GALNT2: variants seen among roughly 807,000 people sequenced by gnomAD.
GALNT2 encodes UDP-GalNAc:polypeptide N-acetylgalactosaminyltransferase 2.
GALNT2 carries 31 observed loss-of-function variants against 81.4 expected under a neutral mutation model. The observed-to-expected ratio is 0.38, with a 90% confidence interval of 0.29 to 0.51. GALNT2 has a LOEUF of 0.51. GALNT2 is among the 20% of genes least tolerant of loss of function. GALNT2 has a pLI of 0.87. For synonymous variants in GALNT2, 303 were observed against 287.4 expected (o/e 1.05, Z -0.55); for missense variants, 629 against 765.7 (o/e 0.82, Z 2.11).
chr1:230,278,229 C>A (rs1158906307), intron 15 of GALNT2, among the ~76,000 whole-genome samples: 1 of 151,474 alleles, frequency 6.6e-6, no homozygotes, highest in African/African-American at 2.4e-5. Context: ...AGCGATCCTC[C>A]CACCTCAGCC....
At chr1:230,173,211 A>G (rs879349937) in intron 1 of GALNT2, among the ~76,000 whole-genome samples, 2 of 152,208 alleles carry the variant, frequency 1.3e-5, no homozygotes, top group Non-Finnish European at 2.9e-5. Flanking sequence ...ACAGCGCTGT[A>G]CTTTAGGGCA....
chr1:230,268,904 T>A (rs995091981), intron 14 of GALNT2, among the ~76,000 whole-genome samples: 2 of 152,144 alleles, frequency 1.3e-5, no homozygotes, highest in African/African-American at 4.8e-5. Context: ...GAGCGCCCAT[T>A]CCTTGCCTCT....
At chr1:230,086,576 G>GT (rs577047285) in intron 1 of GALNT2, among the ~76,000 whole-genome samples, 12 of 151,682 alleles carry the variant, frequency 7.9e-5, no homozygotes, top group East Asian at 5.8e-4. Context: ...AAAGTGAGCA[G>GT]TTTTTTTTTC....
chr1:230,190,351 G>T (rs11122462), intron 2 of GALNT2, among the ~76,000 whole-genome samples: 1 of 152,228 alleles, frequency 6.6e-6, no homozygotes, highest in Non-Finnish European at 1.5e-5. Flanking sequence ...CTCTGCATGG[G>T]ATGCGCCAAG....
chr1:230,129,332 T>G (rs900779543), intron 1 of GALNT2, among the ~76,000 whole-genome samples: 3 of 152,208 alleles, frequency 2.0e-5, no homozygotes, highest in African/African-American at 7.2e-5. Context: ...TATTTTATTT[T>G]TTAGAGATGA....
At chr1:230,218,209 G>C (rs979895281) in intron 3 of GALNT2, among the ~76,000 whole-genome samples, 3 of 152,204 alleles carry the variant, frequency 2.0e-5, no homozygotes, top group African/African-American at 7.2e-5. Flanking sequence ...GAGATGACAA[G>C]ATATGCTGAA....
intron 3 of GALNT2, among the ~76,000 whole-genome samples, chr1:230,209,041 T>TA (rs112253499): frequency 1.4e-3 from 195 of 143,914 alleles, no homozygotes; most frequent in African/African-American, 3.8e-3. Context: ...CCCCATTAGT[T>TA]AAAAAAAAAA....
At chr1:230,180,100 G>C (rs959884346) in intron 2 of GALNT2, among the ~76,000 whole-genome samples, 4 of 152,084 alleles carry the variant, frequency 2.6e-5, no homozygotes, top group Non-Finnish European at 5.9e-5. Flanking sequence ...TGTATTTTTA[G>C]TAGAGACAGC....
rs562770515 is a variant in GALNT2, at chr1:230,144,999, C to G, written c.127-33219C>G. Among the ~76,000 whole-genome samples the G allele has an allele frequency of 2.2e-3, 338 of 152,152 alleles. 1 individual carries two copies. The highest frequency in any genetic ancestry group is 3.8e-3 in the Non-Finnish European group (258 of 67,970). ...TCAGGCTCCTCTCTTGCTTGGTAAC[C>G]TACAAACCAAGCAAGGTGAGAGGCC... On this transcript the variant is annotated intron_variant, in intron 1 of 15. Coordinates refer to ENST00000366672, the MANE Select transcript of GALNT2 (RefSeq NM_004481.5).
intron 1 of GALNT2, among the ~76,000 whole-genome samples, chr1:230,149,463 TG>T (rs1662026614): frequency 6.6e-6 from 1 of 152,194 alleles, no homozygotes. Context: ...TTCTTAGGTC[TG>T]GCGTTGAGGG....
At chr1:230,204,149 T>C (rs1179536406) in intron 3 of GALNT2, among the ~76,000 whole-genome samples, 3 of 117,770 alleles carry the variant, frequency 2.5e-5, no homozygotes, top group African/African-American at 1.4e-4. Flanking sequence ...CTGACCTCCT[T>C]CTTTTTCTTT....
intron 3 of GALNT2, 24 bp from the exon 4 acceptor site, chr1:230,235,990 A>G (rs752884751): frequency 6.2e-7 from 1 of 1,611,516 alleles, no homozygotes; most frequent in South Asian, 1.1e-5. Flanking sequence ...CATTGTTCAG[A>G]GGACCATCTT....
chr1:230,125,240 A>G (rs1452964575), intron 1 of GALNT2, among the ~76,000 whole-genome samples: 1 of 152,246 alleles, frequency 6.6e-6, no homozygotes, highest in Non-Finnish European at 1.5e-5. Context: ...ATTAGAGTGC[A>G]GGATCCCTTT....
At position 230,080,645 on chromosome 1, in the gene GALNT2, C is replaced by G. The variant is rs1277357075; in HGVS notation, c.126+13239C>G. 2.6e-5 allele frequency among the ~76,000 whole-genome samples: 4 copies of G among 152,122 alleles called. No individual in the cohort carries two copies. The South Asian group carries it at 8.3e-4, about 32-fold the overall frequency. On this transcript the variant is annotated intron_variant, in intron 1 of 15. Transcript: ENST00000366672. Reference sequence around the variant, plus strand: ...AGCTCTGGGTGTCTTTCTGGGGCTGCTGTGACATGGCAGAGAGGATGCATA... The same window carrying G: ...AGCTCTGGGTGTCTTTCTGGGGCTGGTGTGACATGGCAGAGAGGATGCATA...
chr1:230,211,150 GC>G (rs1664221010), intron 3 of GALNT2, among the ~76,000 whole-genome samples: 1 of 152,176 alleles, frequency 6.6e-6, no homozygotes, highest in Non-Finnish European at 1.5e-5. Flanking sequence ...TCATAAACAT[GC>G]GCCGCTGGCC....
intron 1 of GALNT2, among the ~76,000 whole-genome samples, chr1:230,076,261 T>C (rs1355741156): frequency 2.6e-5 from 4 of 152,244 alleles, no homozygotes; most frequent in African/African-American, 7.2e-5. Context: ...ATTCCTGAGC[T>C]GACTTCTGTG....
intron 1 of GALNT2, among the ~76,000 whole-genome samples, chr1:230,151,256 A>G (rs1232174066): frequency 6.6e-6 from 1 of 152,104 alleles, no homozygotes; most frequent in African/African-American, 2.4e-5. Context: ...GCCCCTGGAG[A>G]AGTGTCCCAG....
intron 2 of GALNT2, among the ~76,000 whole-genome samples, chr1:230,195,446 G>A (rs1663662030): frequency 6.6e-6 from 1 of 152,114 alleles, no homozygotes; most frequent in South Asian, 2.1e-4. Context: ...AGAGGAGAAA[G>A]AAAAGAGAGA....
intron 1 of GALNT2, among the ~76,000 whole-genome samples, chr1:230,169,513 G>A (rs771182122): frequency 3.9e-5 from 6 of 152,190 alleles, no homozygotes; most frequent in Admixed American, 2.6e-4. Context: ...TCATCTGTGC[G>A]TAGCTATAGG....
Sources: allele counts gnomAD v4.1 joint callset (sites outside exome capture counted in the v4.1 genomes callset), GRCh38; gene constraint gnomAD v4.1.1; transcripts MANE v1.5; gene names NCBI Gene and HGNC (gene_info 2026-07-23, HGNC 2026-07-21).